The following GABRB3 variants were observed in gnomAD, a reference collection of about 807,000 sequenced individuals.
GABRB3 encodes gamma-aminobutyric acid type A receptor subunit beta3.
A neutral mutation model predicts 52.1 loss-of-function variants in GABRB3; 14 were observed. The observed-to-expected ratio is 0.27, with a 90% CI of 0.18 to 0.42. The LOEUF (loss-of-function observed/expected upper bound fraction) is 0.42, where lower values mean the gene tolerates loss of function less well. Ranked by LOEUF, GABRB3 falls within the 10% of genes least tolerant of loss-of-function variation. The probability of loss-of-function intolerance (pLI) is 1.00; values close to 1 mark genes in which losing one functional copy is unlikely to be tolerated. For synonymous variants in GABRB3, 260 were observed against 232.3 expected (o/e 1.12, Z -1.08); for missense variants, 307 against 609.1 (o/e 0.50, Z 5.22).
intron 3 of GABRB3, among the ~76,000 whole-genome samples, chr15:26,639,229 A>C (rs1370253243): frequency 6.6e-6 from 1 of 151,962 alleles, no homozygotes; most frequent in Non-Finnish European, 1.5e-5. Context: ...CAAAATGACT[A>C]GGTGTTTCAG....
At chr15:26,612,890 G>A (rs1650696402) in intron 4 of GABRB3, 1 of 152,188 alleles carries the variant, frequency 6.6e-6, no homozygotes, top group Non-Finnish European at 1.5e-5. Context: ...AAGGCTGGAG[G>A]ACTGCTTGAA....
chr15:26,715,545 A>G lies in GABRB3; in HGVS notation c.240+56857T>C, dbSNP rs181441261. Among the ~76,000 whole-genome samples the G allele has an allele frequency of 4.6e-5, 7 of 152,350 alleles. No homozygotes were observed. In the East Asian group the frequency reaches 9.6e-4, roughly 21 times the overall value. On this transcript the variant is annotated intron_variant, in intron 3 of 8. Coordinates refer to ENST00000311550, the MANE Select transcript of GABRB3 (RefSeq NM_000814.6). The stretch of plus-strand genomic sequence containing the variant: ...GTGCCGAGGCAGGAACGAGAAGGAC[A>G]TGACTTAGCATTTGGTAATTATGTT...
rs536066593 is a variant in GABRB3, at chr15:26,609,033, A to C, written c.461+12281T>G. ...AAGCACTATTAACAGTAGCCATGTTATGGAATCAACCTAAGTGTCCATCAA... is the reference window on the plus strand; with the variant it reads ...AAGCACTATTAACAGTAGCCATGTTCTGGAATCAACCTAAGTGTCCATCAA... On this transcript the variant is annotated intron_variant, in intron 4 of 8. Coordinates refer to ENST00000311550, the MANE Select transcript of GABRB3 (RefSeq NM_000814.6). 3.4e-4 allele frequency among the ~76,000 whole-genome samples: 52 copies of C among 151,924 alleles called. 1 individual carries two copies. The South Asian group carries it at 0.011, about 31-fold the overall frequency.
intron 3 of GABRB3, among the ~76,000 whole-genome samples, chr15:26,634,591 G>A (rs920982999): frequency 2.0e-5 from 3 of 151,924 alleles, no homozygotes; most frequent in Non-Finnish European, 4.4e-5. Context: ...GCTTACCCAT[G>A]GTGTCTAGAG....
intron 3 of GABRB3, among the ~76,000 whole-genome samples, chr15:26,766,932 A>T (rs143903067): frequency 6.6e-6 from 1 of 152,252 alleles, no homozygotes; most frequent in African/African-American, 2.4e-5. Context: ...CCTGAGGGGA[A>T]AGGCAAAAAG....
chr15:26,618,203 G>C (rs1158848864), intron 4 of GABRB3, among the ~76,000 whole-genome samples: 1 of 151,906 alleles, frequency 6.6e-6, no homozygotes, highest in African/African-American at 2.4e-5. Context: ...AGCCCACATC[G>C]CCAAGTCAAT....
At chr15:26,682,347 C>T (rs940335324) in intron 3 of GABRB3, among the ~76,000 whole-genome samples, 8 of 152,142 alleles carry the variant, frequency 5.3e-5, no homozygotes, top group African/African-American at 1.7e-4. Context: ...AATGCCCGGG[C>T]GGGTTTCCAT....
At chr15:26,610,756 G>T (rs763340286) in intron 4 of GABRB3, among the ~76,000 whole-genome samples, 3 of 152,166 alleles carry the variant, frequency 2.0e-5, no homozygotes, top group Non-Finnish European at 2.9e-5. Context: ...TTTTAAGCAT[G>T]TAAACCTGTT....
chr15:26,627,212 A>G lies in GABRB3; in HGVS notation c.241-5678T>C, dbSNP rs554246902. 2.6e-5 allele frequency among the ~76,000 whole-genome samples: 3 copies of G among 117,062 alleles called. No individual in the cohort carries two copies. In the South Asian group the frequency reaches 7.2e-4, roughly 28 times the overall value. 76.8% of individuals were successfully genotyped at this position (117,062 alleles called of 152,430 possible). ...CCCACAGTTGAGACCTTCTGCTCAG[A>G]AAAAACATTCCTTTCAAAATGTTAC... On this transcript the variant is annotated intron_variant, in intron 3 of 8. Transcript: ENST00000311550.
intron 3 of GABRB3, among the ~76,000 whole-genome samples, chr15:26,729,014 CAAGTCTGACTT>C (rs1889840903): frequency 6.6e-6 from 1 of 152,174 alleles, no homozygotes; most frequent in African/African-American, 2.4e-5. Context: ...ATACGTGAGT[CAAGTCTGACTT>C]AAGTCTGACT....
At position 26,621,719 on chromosome 15, in the gene GABRB3, T is replaced by C. The variant is rs986605371; in HGVS notation, c.241-185A>G. ...TTGTGAATGCAAATACCAGTTTTAA[T>C]AGGTACATGAGTCTGTGTGTGTCAC... On this transcript the variant is annotated intron_variant, in intron 3 of 8. Transcript: ENST00000311550. The surrounding 1 kb of genome is among the most constrained non-coding windows in gnomAD (Gnocchi z 4.1). Among the ~76,000 whole-genome samples, 9 of 152,166 alleles carry C rather than the reference T, an allele frequency of 5.9e-5. No individual in the cohort carries two copies. The highest frequency in any genetic ancestry group is 1.9e-4 in the African/African-American group (8 of 41,440).
At chr15:26,665,991 A>G (rs1887698516) in intron 3 of GABRB3, among the ~76,000 whole-genome samples, 1 of 152,182 alleles carries the variant, frequency 6.6e-6, no homozygotes, top group Non-Finnish European at 1.5e-5. Context: ...AATCTCAGAT[A>G]ATCCAAAGTA....
intron 3 of GABRB3, among the ~76,000 whole-genome samples, chr15:26,745,842 G>T: frequency 6.6e-6 from 1 of 152,174 alleles, no homozygotes; most frequent in East Asian, 1.9e-4. Context: ...GCCATAGCTT[G>T]TTTAACGATT....
intron 6 of GABRB3, among the ~76,000 whole-genome samples, chr15:26,577,349 C>T (rs1192287784): frequency 6.6e-6 from 1 of 152,074 alleles, no homozygotes; most frequent in African/African-American, 2.4e-5. Flanking sequence ...CCCGTCTCTA[C>T]TAAAAATACA....
intron 8 of GABRB3, among the ~76,000 whole-genome samples, chr15:26,556,939 G>T (rs1264770187): frequency 6.6e-6 from 1 of 152,124 alleles, no homozygotes; most frequent in Non-Finnish European, 1.5e-5. Flanking sequence ...AAGCTGCTGG[G>T]TGTTGTTGGC....
chr15:26,564,419 C>T (rs963337657), intron 7 of GABRB3, among the ~76,000 whole-genome samples: 3 of 152,090 alleles, frequency 2.0e-5, no homozygotes, highest in Admixed American at 6.5e-5. Flanking sequence ...ACAGAGCAGC[C>T]GAGGAGCACG....
chr15:26,698,062 A>T (rs1191980565), intron 3 of GABRB3, among the ~76,000 whole-genome samples: 2 of 152,240 alleles, frequency 1.3e-5, no homozygotes, highest in Non-Finnish European at 2.9e-5. Flanking sequence ...AATCATGCCC[A>T]GCAAAAGAGA....
At chr15:26,674,077 T>C (rs2140636019) in intron 3 of GABRB3, among the ~76,000 whole-genome samples, 1 of 151,822 alleles carries the variant, frequency 6.6e-6, no homozygotes, top group African/African-American at 2.4e-5. Context: ...TTTTTTTTTT[T>C]AGTATTTCCT....
chr15:26,583,183 C>G, intron 5 of GABRB3, 149 bp downstream of exon 5: 1 of 532,914 alleles, frequency 1.9e-6, no homozygotes, highest in South Asian at 2.0e-5. Context: ...TATACTGAGT[C>G]TCTCTCTCTC....
Sources: gnomAD v4.1 joint callset for allele counts (sites outside exome capture counted in the v4.1 genomes callset) on GRCh38, gnomAD v4.1.1 for gene constraint, Gnocchi (gnomAD v3.1) non-coding constraint, MANE v1.5 for transcripts, NCBI Gene and HGNC (gene_info 2026-07-23, HGNC 2026-07-21) for gene names.